The following DRC11 variants were observed in gnomAD, a reference collection of about 807,000 sequenced individuals.
DRC11 encodes the protein dynein regulatory complex subunit 11.
chr2:236,346,343 C>G, the DRC11 span, among the ~76,000 whole-genome samples: 1 of 152,230 alleles, frequency 6.6e-6, no homozygotes, highest in Non-Finnish European at 1.5e-5. Flanking sequence ...AACTGCTCAT[C>G]TCATCTGAAC....
chr2:236,380,588 T>C, the DRC11 span: 1 of 1,551,672 alleles, frequency 6.4e-7, no homozygotes. This position sits in a 1 kb window ranked among gnomAD's most constrained non-coding sequence, Gnocchi z 4.9. Flanking sequence ...GTCAGATCTT[T>C]ATCCTTCTTT....
the DRC11 span, among the ~76,000 whole-genome samples, chr2:236,329,298 T>C: frequency 6.6e-6 from 1 of 152,216 alleles, no homozygotes; most frequent in East Asian, 1.9e-4. Flanking sequence ...GGGATGAGGA[T>C]GTAGACGTCC....
the DRC11 span, among the ~76,000 whole-genome samples, chr2:236,486,092 C>T: frequency 7.1e-4 from 108 of 152,312 alleles, no homozygotes; most frequent in African/African-American, 1.9e-3. The surrounding 1 kb of genome is among the most constrained non-coding windows in gnomAD (Gnocchi z 5.7). Context: ...CTGGCTTAGA[C>T]GAAGCCAGCT....
the DRC11 span, chr2:236,507,230 G>A: frequency 6.2e-7 from 1 of 1,613,284 alleles, no homozygotes; most frequent in African/African-American, 1.3e-5. Context: ...CCCACTCCAT[G>A]GCTGTGGCTG....
the DRC11 span, chr2:236,465,605 C>T: frequency 1.2e-6 from 2 of 1,613,938 alleles, no homozygotes; most frequent in South Asian, 2.2e-5. The surrounding 1 kb of genome is among the most constrained non-coding windows in gnomAD (Gnocchi z 6.2). Flanking sequence ...ACCAGGGCTT[C>T]CCTGTAGTCC....
chr2:236,448,810 T>C, the DRC11 span, among the ~76,000 whole-genome samples: 1 of 152,152 alleles, frequency 6.6e-6, no homozygotes, highest in Non-Finnish European at 1.5e-5. The surrounding 1 kb of genome is among the most constrained non-coding windows in gnomAD (Gnocchi z 5.3). Flanking sequence ...TGGAATTTCA[T>C]GTCTAGACCA....
chr2:236,383,478 T>G, the DRC11 span, among the ~76,000 whole-genome samples: 1 of 152,164 alleles, frequency 6.6e-6, no homozygotes, highest in Non-Finnish European at 1.5e-5. Context: ...TGTCTTGTGC[T>G]AGCTTTGGGT....
At chr2:236,500,462 T>A in the DRC11 span, among the ~76,000 whole-genome samples, 1 of 151,910 alleles carries the variant, frequency 6.6e-6, no homozygotes, top group Non-Finnish European at 1.5e-5. The surrounding 1 kb of genome is among the most constrained non-coding windows in gnomAD (Gnocchi z 6.3). Context: ...CCAACACTCT[T>A]CCCCCCAACA....
chr2:236,355,615 C>T, the DRC11 span, among the ~76,000 whole-genome samples: 8 of 152,126 alleles, frequency 5.3e-5, no homozygotes. Flanking sequence ...CTCTCCCCCT[C>T]CTTTTTGATT....
chr2:236,464,593 C>T, the DRC11 span, among the ~76,000 whole-genome samples: 1 of 152,140 alleles, frequency 6.6e-6, no homozygotes, highest in Non-Finnish European at 1.5e-5. Flanking sequence ...AAAGAACACC[C>T]TTAAATATGA....
chr2:236,481,206 T>C, the DRC11 span, among the ~76,000 whole-genome samples: 3 of 152,234 alleles, frequency 2.0e-5, no homozygotes, highest in African/African-American at 4.8e-5. Flanking sequence ...CCTTTGTCTC[T>C]GGCTGCCCTA....
At chr2:236,487,268 T>C in the DRC11 span, among the ~76,000 whole-genome samples, 2 of 152,150 alleles carry the variant, frequency 1.3e-5, no homozygotes, top group Non-Finnish European at 2.9e-5. Flanking sequence ...AATGTACAAC[T>C]CAAGCTTTTA....
the DRC11 span, among the ~76,000 whole-genome samples, chr2:236,333,956 G>A: frequency 6.6e-6 from 1 of 152,154 alleles, no homozygotes; most frequent in African/African-American, 2.4e-5. This position sits in a 1 kb window ranked among gnomAD's most constrained non-coding sequence, Gnocchi z 6.0. Flanking sequence ...ATGTAAACCC[G>A]CTGCTGCCCA....
At chr2:236,445,877 T>G in the DRC11 span, among the ~76,000 whole-genome samples, 2 of 152,026 alleles carry the variant, frequency 1.3e-5, no homozygotes, top group African/African-American at 4.8e-5. This position sits in a 1 kb window ranked among gnomAD's most constrained non-coding sequence, Gnocchi z 4.8. Flanking sequence ...GCACTATCCC[T>G]TTCTTGCTCA....
the DRC11 span, among the ~76,000 whole-genome samples, chr2:236,357,090 T>TTATATATTCATATATTATATATCTA: frequency 2.3e-5 from 1 of 43,202 alleles, no homozygotes; most frequent in Admixed American, 1.9e-4. Context: ...TCTATATATT[T>TTATATATTCATATATTATATATCTA]TATATATTCG....
At chr2:236,465,477 G>C in the DRC11 span, 2 of 1,583,090 alleles carry the variant, frequency 1.3e-6, no homozygotes, top group Non-Finnish European at 1.7e-6. This position sits in a 1 kb window ranked among gnomAD's most constrained non-coding sequence, Gnocchi z 6.2. Context: ...GAACAGACTG[G>C]ATATGTCACG....
At chr2:236,408,673 A>G in the DRC11 span, 5 of 721,046 alleles carry the variant, frequency 6.9e-6, no homozygotes, top group East Asian at 1.3e-4. This position sits in a 1 kb window ranked among gnomAD's most constrained non-coding sequence, Gnocchi z 5.5. Context: ...CATTTCTTGC[A>G]GTAATTGGTA....
chr2:236,391,128 G>A, the DRC11 span: 21 of 152,234 alleles, frequency 1.4e-4, no homozygotes, highest in Middle Eastern at 3.4e-3. The surrounding 1 kb of genome is among the most constrained non-coding windows in gnomAD (Gnocchi z 4.5). Context: ...TTAAATTGGT[G>A]TTTTCAGCTT....
the DRC11 span, among the ~76,000 whole-genome samples, chr2:236,416,768 T>TATATATATATAA: frequency 6.1e-4 from 57 of 92,936 alleles, 1 homozygote; most frequent in Non-Finnish European, 1.1e-3. Context: ...TATATATATA[T>TATATATATATAA]AAATAATTTT....
Sources: allele counts gnomAD v4.1 joint callset (sites outside exome capture counted in the v4.1 genomes callset), GRCh38; gene constraint gnomAD v4.1.1; non-coding constraint Gnocchi (gnomAD v3.1); transcripts MANE v1.5; gene names NCBI Gene and HGNC (gene_info 2026-07-23, HGNC 2026-07-21).